Variants in SGCZ observed in about 807,000 individuals in gnomAD.
SGCZ encodes the protein zeta-sarcoglycan.
A neutral mutation model predicts 41.3 loss-of-function variants in SGCZ; 40 were observed. The observed-to-expected ratio is 0.97, with a 90% CI of 0.75 to 1.26. SGCZ has a LOEUF of 1.26. Among genes scored for constraint, SGCZ ranks in the 50% most tolerant of loss-of-function variants. The probability of loss-of-function intolerance (pLI) is 0.00; values close to 1 mark genes in which losing one functional copy is unlikely to be tolerated. For missense variants in SGCZ, 552 were observed against 369.8 expected (o/e 1.49, Z -4.04); for synonymous variants, 206 against 137.5 (o/e 1.50, Z -3.49).
intron 1 of SGCZ, among the ~76,000 whole-genome samples, chr8:14,715,662 T>A (rs1000268745): frequency 6.6e-6 from 1 of 152,128 alleles, no homozygotes. Context: ...AGGAAAAGCC[T>A]ACTACACTTT....
chr8:15,068,079 A>G (rs1399021079), intron 1 of SGCZ, among the ~76,000 whole-genome samples: 2 of 152,220 alleles, frequency 1.3e-5, no homozygotes, highest in Non-Finnish European at 2.9e-5. Flanking sequence ...CAGTGCCGTA[A>G]AAGATGCCAC....
At chr8:14,382,548 G>T (rs761308367) in intron 2 of SGCZ, among the ~76,000 whole-genome samples, 1 of 152,124 alleles carries the variant, frequency 6.6e-6, no homozygotes, top group Non-Finnish European at 1.5e-5. Flanking sequence ...GCACATACCA[G>T]CTCACATAGG....
chr8:14,341,807 C>T (rs1274488424), intron 2 of SGCZ, among the ~76,000 whole-genome samples: 1 of 152,156 alleles, frequency 6.6e-6, no homozygotes, highest in Non-Finnish European at 1.5e-5. Flanking sequence ...CTTGCCACCA[C>T]CATGTAAGAA....
At chr8:14,231,909 T>A (rs538716611) in intron 4 of SGCZ, among the ~76,000 whole-genome samples, 60 of 152,224 alleles carry the variant, frequency 3.9e-4, no homozygotes, top group African/African-American at 1.3e-3. Context: ...TTAATTACTC[T>A]GTAAGATAGA....
At chr8:14,228,542 A>G (rs1383132088) in intron 4 of SGCZ, among the ~76,000 whole-genome samples, 1 of 152,110 alleles carries the variant, frequency 6.6e-6, no homozygotes, top group Non-Finnish European at 1.5e-5. Flanking sequence ...ATGTTTATTC[A>G]TCTGCTTAGT....
intron 1 of SGCZ, among the ~76,000 whole-genome samples, chr8:14,747,672 T>TATTATTATTATTATG (rs1368206806): frequency 3.5e-5 from 5 of 142,928 alleles, no homozygotes; most frequent in Non-Finnish European, 7.6e-5. Context: ...TTATTATTAT[T>TATTATTATTATTATG]ATTATTATTA....
At chr8:14,847,181 A>AAGAAGAAGC (rs1250375875) in intron 1 of SGCZ, among the ~76,000 whole-genome samples, 1 of 148,824 alleles carries the variant, frequency 6.7e-6, no homozygotes, top group South Asian at 2.1e-4. Context: ...GAAGAAGAAG[A>AAGAAGAAGC]AGAAGAGAAA....
chr8:14,631,139 A>G (rs1806637892), intron 1 of SGCZ, among the ~76,000 whole-genome samples: 1 of 152,084 alleles, frequency 6.6e-6, no homozygotes, highest in Admixed American at 6.6e-5. Context: ...TAAGAAGAGT[A>G]CTATTCATTG....
At chr8:14,583,496 G>A (rs1246759330) in intron 1 of SGCZ, among the ~76,000 whole-genome samples, 3 of 151,950 alleles carry the variant, frequency 2.0e-5, no homozygotes, top group African/African-American at 7.2e-5. Flanking sequence ...CTGTGCAGAA[G>A]CTCTTTAGTT....
intron 1 of SGCZ, among the ~76,000 whole-genome samples, chr8:14,671,867 G>C (rs1808114343): frequency 6.6e-6 from 1 of 151,902 alleles, no homozygotes; most frequent in Admixed American, 6.6e-5. Context: ...CCTAATTCTG[G>C]AATATGTCTT....
intron 2 of SGCZ, among the ~76,000 whole-genome samples, chr8:14,375,963 CTT>C (rs372123106): frequency 4.3e-4 from 65 of 152,232 alleles, no homozygotes; most frequent in African/African-American, 1.5e-3. Flanking sequence ...CAAACTATAA[CTT>C]AATGTATTCA....
chr8:14,974,235 T>A (rs1395459667), intron 1 of SGCZ, among the ~76,000 whole-genome samples: 1 of 152,190 alleles, frequency 6.6e-6, no homozygotes, highest in African/African-American at 2.4e-5. Context: ...TTTAAAAACG[T>A]ATGTTGTAAT....
At position 14,808,783 on chromosome 8, in the gene SGCZ, A is replaced by G. The variant is rs562334719; in HGVS notation, c.40-253857T>C. Among the ~76,000 whole-genome samples, 376 of 152,020 alleles carry G rather than the reference A, an allele frequency of 2.5e-3. 3 individuals are homozygous for G. Among genetic ancestry groups the G allele is most frequent in the African/African-American group, 8.7e-3 (359 of 41,400 alleles). On this transcript the variant is annotated intron_variant, in intron 1 of 7. Transcript: ENST00000382080. ...CTGCTATAAAGACACATGCACACGTATGTTTATTGTGGCACTATTCACAAT... is the reference window on the plus strand; with the variant it reads ...CTGCTATAAAGACACATGCACACGTGTGTTTATTGTGGCACTATTCACAAT...
rs1193696875 is a variant in SGCZ at position 14,974,175 on chromosome 8, A to G, written c.39+263410T>C. Reference sequence around the variant, plus strand: ...GATTTGCTTTTTTAAATTTCAGTGTAGAAAAGGATACAATTAGTAGTATAA... The same window carrying G: ...GATTTGCTTTTTTAAATTTCAGTGTGGAAAAGGATACAATTAGTAGTATAA... On this transcript the variant is annotated intron_variant, in intron 1 of 7. Coordinates refer to ENST00000382080, the MANE Select transcript of SGCZ (RefSeq NM_139167.4). 5.3e-5 allele frequency among the ~76,000 whole-genome samples: 8 copies of G among 152,246 alleles called. No homozygotes were observed. In the East Asian group the frequency reaches 1.5e-3, roughly 29 times the overall value.
intron 2 of SGCZ, among the ~76,000 whole-genome samples, chr8:14,438,798 A>C (rs1800163414): frequency 6.6e-6 from 1 of 152,046 alleles, no homozygotes; most frequent in Non-Finnish European, 1.5e-5. Flanking sequence ...AAACCATGAT[A>C]ATTTTAATTA....
intron 1 of SGCZ, among the ~76,000 whole-genome samples, chr8:14,585,977 A>T (rs1332551708): frequency 6.6e-6 from 1 of 152,150 alleles, no homozygotes; most frequent in African/African-American, 2.4e-5. Flanking sequence ...GTGGCATTAT[A>T]TCTCCAAAAG....
chr8:14,777,607 T>C (rs1371059166), intron 1 of SGCZ, among the ~76,000 whole-genome samples: 4 of 152,166 alleles, frequency 2.6e-5, no homozygotes, highest in African/African-American at 7.2e-5. Context: ...ATAATTACAA[T>C]GTGATGCATA....
At chr8:14,343,377 T>C (rs1019275763) in intron 2 of SGCZ, among the ~76,000 whole-genome samples, 1 of 152,110 alleles carries the variant, frequency 6.6e-6, no homozygotes, top group African/African-American at 2.4e-5. Flanking sequence ...CCACAGACAC[T>C]CAACACCAGC....
intron 5 of SGCZ, among the ~76,000 whole-genome samples, chr8:14,120,412 C>T (rs1285286429): frequency 1.3e-5 from 2 of 152,230 alleles, no homozygotes; most frequent in Non-Finnish European, 2.9e-5. Flanking sequence ...CAACATCAAA[C>T]TTATTGGTGA....
Sources: allele counts gnomAD v4.1 joint callset (sites outside exome capture counted in the v4.1 genomes callset), GRCh38; gene constraint gnomAD v4.1.1; transcripts MANE v1.5; gene names NCBI Gene and HGNC (gene_info 2026-07-23, HGNC 2026-07-21).